ASH1L: variants seen among roughly 807,000 people sequenced by gnomAD.
ASH1L encodes histone-lysine N-methyltransferase ASH1L.
In ASH1L, 23 loss-of-function variants were observed where a neutral mutation model predicts 269.0. The ratio of observed to expected loss-of-function variants is 0.09; its 90% CI spans 0.06 to 0.12. The LOEUF is 0.12. ASH1L is among the 10% of genes least tolerant of loss of function. The probability of loss-of-function intolerance (pLI) is 1.00; values close to 1 mark genes in which losing one functional copy is unlikely to be tolerated. For missense variants in ASH1L, 2,912 were observed against 3,567.8 expected (o/e 0.82, Z 4.68); for synonymous variants, 1,187 against 1,253.5 (o/e 0.95, Z 1.12).
intron 2 of ASH1L, among the ~76,000 whole-genome samples, chr1:155,509,743 G>A (rs1437292862): frequency 4.6e-5 from 7 of 152,234 alleles, no homozygotes; most frequent in Admixed American, 2.6e-4. Context: ...AGGTTGCAGT[G>A]AGCCGAGACT....
chr1:155,415,381 C>CAAAAAAA (rs371008148), intron 6 of ASH1L, among the ~76,000 whole-genome samples: 1 of 57,650 alleles, frequency 1.7e-5, no homozygotes, highest in African/African-American at 5.4e-5. Context: ...GACTCCGTCT[C>CAAAAAAA]AAAAAAAAAA....
intron 2 of ASH1L, among the ~76,000 whole-genome samples, chr1:155,503,517 G>A (rs559971120): frequency 6.6e-6 from 1 of 152,184 alleles, no homozygotes; most frequent in East Asian, 1.9e-4. Context: ...GTGAGTTCTG[G>A]TTACAATTTC....
intron 4 of ASH1L, among the ~76,000 whole-genome samples, chr1:155,442,320 G>A (rs1662651293): frequency 6.6e-6 from 1 of 151,834 alleles, no homozygotes; most frequent in Admixed American, 6.6e-5. Context: ...CGGCAAGGTG[G>A]CTTACGCCTG....
intron 5 of ASH1L, among the ~76,000 whole-genome samples, chr1:155,422,815 A>AT (rs1226151786): frequency 6.6e-6 from 1 of 150,924 alleles, no homozygotes; most frequent in Admixed American, 6.6e-5. Flanking sequence ...ACGCCTGGCT[A>AT]TTTTTTTGTG....
chr1:155,478,690 C>G lies in ASH1L; in HGVS notation c.4180G>C (p.Ala1394Pro), dbSNP rs1665744119. The change falls in exon 3 of 28, where the codon GCT becomes CCT. Residue 1394 changes from alanine (A) to proline (P), a missense_variant. This residue lies in a region of ASH1L where 789 missense variants were observed against 897.6 expected (regional missense o/e 0.88). Transcript: ENST00000392403. The surrounding 1 kb of genome is among the most constrained non-coding windows in gnomAD (Gnocchi z 4.6). ...MPYSPSPLTA[A>P]PIGLGYYGRY... ...CCATAGTAACCTAATCCTATGGGAG[C>G]AGCTGTAAGGGGTGAAGGAGAGTAA... 1 of 1,613,886 alleles carries G rather than the reference C, an allele frequency of 6.2e-7. No individual in the cohort carries two copies. Among genetic ancestry groups the G allele is most frequent in the Non-Finnish European group, 8.5e-7 (1 of 1,179,974 alleles).
intron 5 of ASH1L, among the ~76,000 whole-genome samples, chr1:155,424,958 C>G (rs1358922172): frequency 6.6e-6 from 1 of 151,488 alleles, no homozygotes; most frequent in Non-Finnish European, 1.5e-5. Context: ...CACCCACCAC[C>G]TCACCTGGCT....
chr1:155,447,527 G>C (rs1007327726), intron 4 of ASH1L, among the ~76,000 whole-genome samples: 1 of 152,096 alleles, frequency 6.6e-6, no homozygotes, highest in African/African-American at 2.4e-5. Context: ...ACCACACTCA[G>C]CCTTGTTACT....
chr1:155,345,174 C>T (rs77389002), intron 21 of ASH1L, among the ~76,000 whole-genome samples: 17 of 64,026 alleles, frequency 2.7e-4, no homozygotes, highest in Non-Finnish European at 2.7e-4. Flanking sequence ...CCAGGATGGT[C>T]TTTTTTTTTT....
At chr1:155,365,718 GC>G (rs989411962) in intron 12 of ASH1L, among the ~76,000 whole-genome samples, 1 of 152,136 alleles carries the variant, frequency 6.6e-6, no homozygotes, top group African/African-American at 2.4e-5. Flanking sequence ...GCCAATAAAA[GC>G]CCCTTGGGAA....
chr1:155,489,795 A>AAAAT (rs754645316), intron 2 of ASH1L, among the ~76,000 whole-genome samples: 41,872 of 141,320 alleles, frequency 0.3, 6,850 homozygotes, highest in East Asian at 0.56. Context: ...ACACTGTCTC[A>AAAAT]AAATAAATAA....
chr1:155,450,966 G>GACTGGGT, intron 4 of ASH1L, among the ~76,000 whole-genome samples: 1 of 152,316 alleles, frequency 6.6e-6, no homozygotes, highest in Admixed American at 6.5e-5. Context: ...GGGAGGCTAA[G>GACTGGGT]GCGGTCGAAT....
intron 1 of ASH1L, among the ~76,000 whole-genome samples, chr1:155,555,917 T>C (rs1671552704): frequency 9.9e-6 from 1 of 101,330 alleles, no homozygotes; most frequent in South Asian, 3.5e-4. Context: ...AATTATACAA[T>C]AACTGGAAGA....
Position 155,481,108 on chromosome 1 carries a change from T to C in ASH1L, c.1762A>G (p.Thr588Ala), listed in dbSNP as rs769378000. The C allele has an allele frequency of 6.2e-6, 10 of 1,614,000 alleles. No homozygotes were observed. Among genetic ancestry groups the C allele is most frequent in the South Asian group, 5.5e-5 (5 of 91,088 alleles). The change falls in exon 3 of 28, where the codon ACT becomes GCT. Residue 588 changes from threonine (T) to alanine (A), a missense_variant. Transcript: ENST00000392403. Reference protein sequence around the residue: ...LAPNPLLLSSTTELIEEISES... With the variant: ...LAPNPLLLSSATELIEEISES... ...GAAATTTCTTCGATTAGTTCTGTAG[T>C]AGAACTTAAAAGTAATGGATTAGGA...
intron 5 of ASH1L, among the ~76,000 whole-genome samples, chr1:155,419,193 G>A (rs1400872228): frequency 1.3e-5 from 2 of 152,006 alleles, no homozygotes; most frequent in African/African-American, 4.8e-5. Context: ...TTGAGCCCAG[G>A]AGTTCAAGAC....
At chr1:155,490,154 T>C (rs977095113) in intron 2 of ASH1L, among the ~76,000 whole-genome samples, 4 of 151,412 alleles carry the variant, frequency 2.6e-5, no homozygotes, top group African/African-American at 9.7e-5. Flanking sequence ...TTAGTAGATA[T>C]GGGGTTTCAC....
intron 3 of ASH1L, among the ~76,000 whole-genome samples, chr1:155,464,740 T>C (rs1404680549): frequency 6.6e-6 from 1 of 152,148 alleles, no homozygotes; most frequent in African/African-American, 2.4e-5. Flanking sequence ...TTGGAAGTGA[T>C]TTTAATTATA....
chr1:155,356,679 T>C (rs1214391477), intron 15 of ASH1L, among the ~76,000 whole-genome samples: 4 of 151,598 alleles, frequency 2.6e-5, no homozygotes, highest in Admixed American at 2.0e-4. Flanking sequence ...CCAAGGTCTT[T>C]CCATGTTGCC....
At chr1:155,503,839 C>T (rs1201467383) in intron 2 of ASH1L, among the ~76,000 whole-genome samples, 1 of 152,196 alleles carries the variant, frequency 6.6e-6, no homozygotes, top group Non-Finnish European at 1.5e-5. Flanking sequence ...ATCCTCCTGC[C>T]TCAGCATCCT....
At chr1:155,504,514 T>G (rs1667698023) in intron 2 of ASH1L, among the ~76,000 whole-genome samples, 1 of 152,178 alleles carries the variant, frequency 6.6e-6, no homozygotes. Context: ...CACTATTAAT[T>G]ATGCACATAT....
Sources: allele counts gnomAD v4.1 joint callset (sites outside exome capture counted in the v4.1 genomes callset), GRCh38; gene constraint gnomAD v4.1.1; regional missense constraint gnomAD v4.1.1; non-coding constraint Gnocchi (gnomAD v3.1); transcripts MANE v1.5; gene names NCBI Gene and HGNC (gene_info 2026-07-23, HGNC 2026-07-21).